Variants in IRAK2 observed in about 807,000 individuals in gnomAD.
IRAK2 encodes the protein interleukin 1 receptor associated kinase 2.
Under a neutral mutation model 72.0 loss-of-function variants are expected in IRAK2, and 57 were observed. The ratio of observed to expected loss-of-function variants is 0.79; its 90% CI spans 0.64 to 0.99. The LOEUF is 0.99. Among genes scored for constraint, IRAK2 ranks in the 50% least tolerant of loss-of-function variants. IRAK2 has a pLI of 0.00. For synonymous variants in IRAK2, 293 were observed against 312.7 expected (o/e 0.94, Z 0.67); for missense variants, 790 against 794.4 (o/e 0.99, Z 0.07).
chr3:10,237,626 T>G (rs926578787), intron 11 of IRAK2, among the ~76,000 whole-genome samples: 1 of 151,676 alleles, frequency 6.6e-6, no homozygotes. Flanking sequence ...GCTAACATGG[T>G]GAAACCCTGT....
intron 11 of IRAK2, 71 bp downstream of exon 11, chr3:10,234,730 C>A: frequency 7.5e-7 from 1 of 1,327,134 alleles, no homozygotes; most frequent in Admixed American, 1.8e-5. Context: ...ACGGCCCCTT[C>A]GCAGAGGCCT....
chr3:10,240,662 T>A (rs9809926), intron 12 of IRAK2, among the ~76,000 whole-genome samples: 1 of 146,538 alleles, frequency 6.8e-6, no homozygotes, highest in Non-Finnish European at 1.5e-5. Flanking sequence ...CGGGTTCAAG[T>A]GATTCTCCTG....
chr3:10,225,910 A>G (rs1282262973), intron 9 of IRAK2, among the ~76,000 whole-genome samples: 1 of 152,048 alleles, frequency 6.6e-6, no homozygotes, highest in Non-Finnish European at 1.5e-5. Context: ...TGTGTTAGCC[A>G]GGATGGTCTC....
At position 10,177,818 on chromosome 3, in the gene IRAK2, G is replaced by A. The variant is rs932961893; in HGVS notation, c.95-20G>A. ...GACTGCCTCTCTGACTCTAAGCAGA[G>A]TTCTCTCCGTCCCTTCCAGCCTCCT... On this transcript the variant is annotated intron_variant, in intron 1 of 12. Coordinates refer to ENST00000256458, the MANE Select transcript of IRAK2 (RefSeq NM_001570.4). 1 of 1,608,566 alleles carries A rather than the reference G, an allele frequency of 6.2e-7. No homozygotes were observed. The highest frequency in any genetic ancestry group is 1.3e-5 in the African/African-American group (1 of 75,062).
At chr3:10,179,464 C>G (rs7640135) in intron 2 of IRAK2, among the ~76,000 whole-genome samples, 52,250 of 150,842 alleles carry the variant, frequency 0.35, 9,519 homozygotes, top group Admixed American at 0.44. Context: ...TATGAAGTCT[C>G]TCTCTGTTGC....
chr3:10,231,866 C>T (rs1189893651), intron 10 of IRAK2, among the ~76,000 whole-genome samples: 1 of 152,120 alleles, frequency 6.6e-6, no homozygotes, highest in African/African-American at 2.4e-5. Context: ...GTGGCTCAAG[C>T]CTGTAATCCC....
At chr3:10,172,165 T>C (rs1218777931) in intron 1 of IRAK2, among the ~76,000 whole-genome samples, 2 of 150,204 alleles carry the variant, frequency 1.3e-5, no homozygotes, top group African/African-American at 4.9e-5. Flanking sequence ...GGTCAGGAGA[T>C]TGAGACCATC....
At chr3:10,203,309 C>T (rs932469803) in intron 3 of IRAK2, among the ~76,000 whole-genome samples, 1 of 152,110 alleles carries the variant, frequency 6.6e-6, no homozygotes, top group African/African-American at 2.4e-5. Context: ...TATTTGCTTT[C>T]TTGATGGCAC....
chr3:10,209,552 C>A, intron 3 of IRAK2, 37 bp from the exon 4 acceptor site: 2 of 1,374,506 alleles, frequency 1.5e-6, no homozygotes, highest in South Asian at 1.4e-5. Flanking sequence ...TCTTCCTCCC[C>A]GAGGCTGCAT....
intron 1 of IRAK2, among the ~76,000 whole-genome samples, chr3:10,173,260 T>G (rs1475171213): frequency 1.3e-5 from 2 of 152,154 alleles, no homozygotes; most frequent in African/African-American, 4.8e-5. Flanking sequence ...ATATCTGGCC[T>G]CTGAACCACC....
chr3:10,226,945 C>CAAGA (rs1697788055), intron 10 of IRAK2, among the ~76,000 whole-genome samples: 1 of 96,808 alleles, frequency 1.0e-5, no homozygotes, highest in Non-Finnish European at 2.1e-5. Context: ...GACTCCATCT[C>CAAGA]AAAAAAAAAA....
chr3:10,239,151 A>G (rs1257745854), intron 12 of IRAK2, 112 bp downstream of exon 12: 3 of 1,019,122 alleles, frequency 2.9e-6, no homozygotes, highest in Non-Finnish European at 4.2e-6. Context: ...TTATTCAGCC[A>G]TTCACCAACC....
chr3:10,197,384 C>CA (rs992602301), intron 2 of IRAK2, among the ~76,000 whole-genome samples: 1,274 of 114,174 alleles, frequency 0.011, 11 homozygotes, highest in African/African-American at 0.033. Context: ...GACTCTGTCT[C>CA]AAAAAAAAAA....
chr3:10,227,947 G>T (rs1157126442), intron 10 of IRAK2, among the ~76,000 whole-genome samples: 1 of 151,982 alleles, frequency 6.6e-6, no homozygotes, highest in Non-Finnish European at 1.5e-5. Context: ...GGGATTACAG[G>T]ATCTTGAGTT....
intron 2 of IRAK2, among the ~76,000 whole-genome samples, chr3:10,184,949 G>A (rs1697028915): frequency 6.7e-6 from 1 of 150,242 alleles, no homozygotes; most frequent in Admixed American, 6.6e-5. Context: ...GTGTTAGCCA[G>A]GGTGATCTCC....
intron 2 of IRAK2, 39 bp downstream of exon 2, chr3:10,178,059 C>T (rs377623421): frequency 9.2e-5 from 137 of 1,496,316 alleles, no homozygotes; most frequent in Admixed American, 1.5e-4. Context: ...GGGCCCATCA[C>T]GCTCCTGAGC....
intron 2 of IRAK2, among the ~76,000 whole-genome samples, chr3:10,194,933 G>T (rs1697240044): frequency 6.6e-6 from 1 of 152,136 alleles, no homozygotes; most frequent in African/African-American, 2.4e-5. Context: ...CTCTTGTGTG[G>T]GAGGGTGGAT....
At chr3:10,179,062 G>T (rs779881304) in intron 2 of IRAK2, among the ~76,000 whole-genome samples, 1 of 152,134 alleles carries the variant, frequency 6.6e-6, no homozygotes, top group Non-Finnish European at 1.5e-5. Context: ...GGGATTGCAG[G>T]CATGAGTCAC....
chr3:10,203,690 G>A (rs1327246605), intron 3 of IRAK2, among the ~76,000 whole-genome samples: 1 of 152,170 alleles, frequency 6.6e-6, no homozygotes, highest in Admixed American at 6.5e-5. Context: ...GGAGTGCAGT[G>A]GCGCGATCTC....
Sources: allele counts gnomAD v4.1 joint callset (sites outside exome capture counted in the v4.1 genomes callset), GRCh38; gene constraint gnomAD v4.1.1; transcripts MANE v1.5; gene names NCBI Gene and HGNC (gene_info 2026-07-23, HGNC 2026-07-21).